The following DGKB variants were observed in gnomAD, a reference collection of about 807,000 sequenced individuals.
The protein encoded by DGKB is diacylglycerol kinase beta.
Under a neutral mutation model 114.3 loss-of-function variants are expected in DGKB, and 67 were observed. That is an observed-to-expected ratio of 0.59 (90% CI 0.48 to 0.72). The LOEUF (loss-of-function observed/expected upper bound fraction) is 0.72. Ranked by LOEUF, DGKB falls within the 30% of genes least tolerant of loss-of-function variation. DGKB has a pLI of 0.00. For synonymous variants in DGKB, 398 were observed against 323.1 expected, an observed-to-expected ratio of 1.23 and a Z score of -2.49; for missense variants, 907 against 975.2, an observed-to-expected ratio of 0.93 and a Z score of 0.93.
chr7:14,469,866 G>A (rs1312520977), intron 21 of DGKB, among the ~76,000 whole-genome samples: 1 of 151,690 alleles, frequency 6.6e-6, no homozygotes, highest in African/African-American at 2.4e-5. Context: ...AAAACTCTTA[G>A]CAAATATATA....
At chr7:14,698,203 C>G in intron 7 of DGKB, 34 bp from the exon 8 acceptor site, 1 of 1,316,728 alleles carries the variant, frequency 7.6e-7, no homozygotes, top group Non-Finnish European at 1.0e-6. Context: ...AATATGAATA[C>G]AAGATCTTAG....
chr7:14,748,902 TTATC>T (rs1833740445), intron 4 of DGKB, among the ~76,000 whole-genome samples: 1 of 152,184 alleles, frequency 6.6e-6, no homozygotes, highest in African/African-American at 2.4e-5. Flanking sequence ...AGAAATCACT[TTATC>T]TATCAACCAA....
intron 25 of DGKB, among the ~76,000 whole-genome samples, chr7:14,155,678 C>T (rs1414749079): frequency 6.6e-6 from 1 of 151,994 alleles, no homozygotes; most frequent in Non-Finnish European, 1.5e-5. Context: ...GGCAGAAGTA[C>T]AGGATACGAT....
At chr7:14,624,152 A>G (rs1808154135) in intron 14 of DGKB, among the ~76,000 whole-genome samples, 1 of 152,202 alleles carries the variant, frequency 6.6e-6, no homozygotes, top group Non-Finnish European at 1.5e-5. Flanking sequence ...TCAGGAACAT[A>G]TTTAAAATTT....
intron 1 of DGKB, among the ~76,000 whole-genome samples, chr7:14,952,573 T>C (rs929402319): frequency 2.6e-5 from 4 of 151,328 alleles, no homozygotes; most frequent in African/African-American, 7.3e-5. Flanking sequence ...CTGAGCAACA[T>C]GGTGAAATCC....
At chr7:14,443,045 G>A (rs1481311515) in intron 21 of DGKB, among the ~76,000 whole-genome samples, 5 of 152,020 alleles carry the variant, frequency 3.3e-5, no homozygotes, top group African/African-American at 1.2e-4. Context: ...TGCCAATCTT[G>A]TTTTATAATT....
At chr7:14,450,574 A>C (rs1831343502) in intron 21 of DGKB, among the ~76,000 whole-genome samples, 1 of 152,068 alleles carries the variant, frequency 6.6e-6, no homozygotes, top group South Asian at 2.1e-4. Context: ...TGGTCCCCTT[A>C]TTCTTCAGGT....
chr7:14,257,308 A>C (rs1796094551), intron 23 of DGKB, among the ~76,000 whole-genome samples: 1 of 152,130 alleles, frequency 6.6e-6, no homozygotes, highest in African/African-American at 2.4e-5. Context: ...ACCCTCAACA[A>C]AACACAGACA....
intron 23 of DGKB, among the ~76,000 whole-genome samples, chr7:14,211,359 A>ATTTTACTCTCATGTTTTGTGATTT (rs1420432646): frequency 9.4e-6 from 1 of 106,048 alleles, no homozygotes; most frequent in Admixed American, 1.1e-4. Context: ...ATGTTTTGTG[A>ATTTTACTCTCATGTTTTGTGATTT]TATTTACTCT....
rs547283651 is a variant in DGKB, at chr7:14,280,020, G to A, written c.2122+58495C>T. ...ACAAAGCTGGACGGAGAATGACTTTGACAAGCTGAGAGAAGAAGGCTTCAG... is the reference window on the plus strand; with the variant it reads ...ACAAAGCTGGACGGAGAATGACTTTAACAAGCTGAGAGAAGAAGGCTTCAG... On this transcript the variant is annotated intron_variant, in intron 23 of 25. Coordinates refer to ENST00000402815, the MANE Select transcript of DGKB (RefSeq NM_001350709.2). Among the ~76,000 whole-genome samples the A allele has an allele frequency of 6.0e-5, 9 of 149,046 alleles. No individual in the cohort carries two copies. The East Asian group carries it at 1.7e-3, about 29-fold the overall frequency.
chr7:14,772,489 T>C (rs17168417), intron 2 of DGKB, among the ~76,000 whole-genome samples: 19,302 of 152,226 alleles, frequency 0.13, 1,630 homozygotes, highest in African/African-American at 0.24. Flanking sequence ...GAAGAATTTT[T>C]ATGAAATACA....
At chr7:14,675,217 A>G (rs1819638781) in intron 12 of DGKB, among the ~76,000 whole-genome samples, 1 of 152,076 alleles carries the variant, frequency 6.6e-6, no homozygotes, top group South Asian at 2.1e-4. Flanking sequence ...CGTGACTCTG[A>G]AGGCCACAGG....
At chr7:14,580,635 G>C (rs1037166440) in intron 19 of DGKB, among the ~76,000 whole-genome samples, 2 of 152,072 alleles carry the variant, frequency 1.3e-5, no homozygotes, top group Non-Finnish European at 2.9e-5. Flanking sequence ...ACCTCCTTTA[G>C]TTTAAGTCTC....
chr7:14,217,245 G>T (rs1018117368), intron 23 of DGKB, among the ~76,000 whole-genome samples: 1 of 152,022 alleles, frequency 6.6e-6, no homozygotes, highest in Non-Finnish European at 1.5e-5. Flanking sequence ...TTATCTATAA[G>T]TAATATTTTT....
intron 2 of DGKB, among the ~76,000 whole-genome samples, chr7:14,796,820 T>G (rs539330728): frequency 1.3e-5 from 2 of 152,310 alleles, no homozygotes; most frequent in South Asian, 4.1e-4. Context: ...TGGTCATTCC[T>G]CTTATTAAAT....
intron 20 of DGKB, among the ~76,000 whole-genome samples, chr7:14,526,438 G>A (rs2128580257): frequency 6.6e-6 from 1 of 152,148 alleles, no homozygotes; most frequent in South Asian, 2.1e-4. Context: ...AAAGCAATGA[G>A]TTCTGTATTA....
chr7:14,289,137 A>G (rs1801343499), intron 23 of DGKB, among the ~76,000 whole-genome samples: 1 of 152,330 alleles, frequency 6.6e-6, no homozygotes, highest in South Asian at 2.1e-4. Context: ...TTTGAAGGCA[A>G]TTGATCGACT....
chr7:14,582,972 C>A, intron 18 of DGKB, 80 bp downstream of exon 18: 1 of 902,900 alleles, frequency 1.1e-6, no homozygotes, highest in Non-Finnish European at 1.8e-6. Context: ...GATAATGATA[C>A]AAGCAATAGA....
intron 23 of DGKB, among the ~76,000 whole-genome samples, chr7:14,205,381 T>A (rs2128295334): frequency 6.6e-6 from 1 of 151,974 alleles, no homozygotes; most frequent in South Asian, 2.1e-4. Flanking sequence ...GAATCTTTCC[T>A]ATCTCTTTTC....
Sources: gnomAD v4.1 joint callset for allele counts (sites outside exome capture counted in the v4.1 genomes callset) on GRCh38, gnomAD v4.1.1 for gene constraint, MANE v1.5 for transcripts, NCBI Gene and HGNC (gene_info 2026-07-23, HGNC 2026-07-21) for gene names.